MAP4K3: variants seen among roughly 807,000 people sequenced by gnomAD.
MAP4K3 encodes the protein MAPK/ERK kinase kinase kinase 3.
Under a neutral mutation model 143.5 loss-of-function variants are expected in MAP4K3, and 94 were observed. The observed-to-expected ratio is 0.65, with a 90% CI of 0.55 to 0.78. The LOEUF (loss-of-function observed/expected upper bound fraction) is 0.78, where lower values mean the gene tolerates loss of function less well. Ranked by LOEUF, MAP4K3 falls within the 30% of genes least tolerant of loss-of-function variation. The pLI, the probability that MAP4K3 is intolerant of heterozygous loss-of-function variation, is 0.00. For missense variants in MAP4K3, 1,077 were observed against 1,068.1 expected (o/e 1.01, Z -0.12); for synonymous variants, 416 against 347.2 (o/e 1.20, Z -2.20).
chr2:39,268,824 G>A (rs1680890874), intron 26 of MAP4K3, among the ~76,000 whole-genome samples: 1 of 151,864 alleles, frequency 6.6e-6, no homozygotes. Flanking sequence ...ACTTTTAGTA[G>A]AGACGGGGTT....
chr2:39,416,004 T>TATATATATATATATATATATAA (rs1206690314), intron 1 of MAP4K3, among the ~76,000 whole-genome samples: 6 of 76,074 alleles, frequency 7.9e-5, no homozygotes, highest in Non-Finnish European at 1.4e-4. Context: ...TATATATATA[T>TATATATATATATATATATATAA]AAAAATAACA....
chr2:39,289,177 T>C (rs1681924296), intron 19 of MAP4K3, among the ~76,000 whole-genome samples: 1 of 152,230 alleles, frequency 6.6e-6, no homozygotes, highest in Non-Finnish European at 1.5e-5. Context: ...TGACGGTTTG[T>C]AGAATTTATA....
chr2:39,395,112 A>G (rs1179525524), intron 1 of MAP4K3, among the ~76,000 whole-genome samples: 1 of 152,234 alleles, frequency 6.6e-6, no homozygotes, highest in Non-Finnish European at 1.5e-5. Flanking sequence ...TATCCAGTTT[A>G]ATTAAAAAAA....
intron 4 of MAP4K3, among the ~76,000 whole-genome samples, chr2:39,341,620 C>T (rs1367732478): frequency 6.6e-6 from 1 of 151,256 alleles, no homozygotes; most frequent in Non-Finnish European, 1.5e-5. Context: ...AGCACCACTG[C>T]ACTCCAGCCT....
Position 39,357,267 on chromosome 2 carries a change from TG to T in MAP4K3, c.155-929del, listed in dbSNP as rs772226055. ...AGAGACTATGCAGAAAGAGAACAAATGGAAGTGCTTACTCTGAAAGAAAAGT... is the reference window on the plus strand; with the variant it reads ...AGAGACTATGCAGAAAGAGAACAAATGAAGTGCTTACTCTGAAAGAAAAGT... On this transcript the variant is annotated intron_variant, in intron 2 of 33. Transcript: ENST00000263881. Among the ~76,000 whole-genome samples, 71 of 152,198 alleles carry T rather than the reference TG, an allele frequency of 4.7e-4. 1 individual carries two copies. Among genetic ancestry groups the T allele is most frequent in the Non-Finnish European group, 1.8e-4 (12 of 68,016 alleles).
intron 31 of MAP4K3, among the ~76,000 whole-genome samples, chr2:39,256,112 A>C (rs966251468): frequency 4.6e-5 from 7 of 152,156 alleles, no homozygotes; most frequent in Middle Eastern, 3.2e-3. Flanking sequence ...TTTTCCAATT[A>C]AGTTTTTCAC....
intron 1 of MAP4K3, among the ~76,000 whole-genome samples, chr2:39,396,556 C>T (rs1666811813): frequency 6.6e-6 from 1 of 150,454 alleles, no homozygotes; most frequent in Non-Finnish European, 1.5e-5. Flanking sequence ...TCATTGCAAG[C>T]TCCGCCTCCT....
intron 1 of MAP4K3, among the ~76,000 whole-genome samples, chr2:39,387,445 T>C (rs1405013825): frequency 6.6e-6 from 1 of 152,218 alleles, no homozygotes; most frequent in Admixed American, 6.5e-5. Flanking sequence ...ACAGATCCTA[T>C]ACGTAATTTC....
chr2:39,362,072 T>C (rs1434563970), intron 2 of MAP4K3, among the ~76,000 whole-genome samples: 1 of 152,220 alleles, frequency 6.6e-6, no homozygotes, highest in East Asian at 1.9e-4. Flanking sequence ...AAATGCCAGT[T>C]GAATCCTGAA....
chr2:39,432,813 C>A (rs567429529), intron 1 of MAP4K3, among the ~76,000 whole-genome samples: 78 of 152,274 alleles, frequency 5.1e-4, no homozygotes, highest in African/African-American at 1.7e-3. Context: ...TTCACAGACA[C>A]TTTAAATCTA....
At chr2:39,300,747 T>C (rs1384110696) in intron 15 of MAP4K3, among the ~76,000 whole-genome samples, 1 of 152,216 alleles carries the variant, frequency 6.6e-6, no homozygotes, top group Non-Finnish European at 1.5e-5. Flanking sequence ...CCTTCCAAGA[T>C]TGCCAGGGAA....
At chr2:39,426,438 T>C (rs1191048502) in intron 1 of MAP4K3, among the ~76,000 whole-genome samples, 2 of 152,142 alleles carry the variant, frequency 1.3e-5, no homozygotes, top group East Asian at 1.9e-4. Flanking sequence ...AATAGTATTG[T>C]CTTAATATTT....
Position 39,254,526 on chromosome 2 carries a change from A to C in MAP4K3, c.2471-6T>G. 6.2e-7 allele frequency: 1 copy of C among 1,611,798 alleles called. No homozygotes were observed. The highest frequency in any genetic ancestry group is 8.5e-7 in the Non-Finnish European group (1 of 1,178,354). ...CACACTGTCTTGTAGGCACACTAGC[A>C]GGCAAGAACAGCTCAATTACTGTTA... On this transcript the variant is annotated splice_polypyrimidine_tract_variant and splice_region_variant and intron_variant, in intron 31 of 33. Transcript: ENST00000263881.
At chr2:39,366,310 G>A (rs1203294717) in intron 2 of MAP4K3, among the ~76,000 whole-genome samples, 1 of 152,094 alleles carries the variant, frequency 6.6e-6, no homozygotes, top group Non-Finnish European at 1.5e-5. Flanking sequence ...AGGTTAGAGG[G>A]AGATTTTAAA....
chr2:39,251,808 T>G (rs1680163028), intron 33 of MAP4K3, 22 bp downstream of exon 33: 1 of 1,605,690 alleles, frequency 6.2e-7, no homozygotes, highest in African/African-American at 1.3e-5. Flanking sequence ...TACTGTGTAT[T>G]TAATACAGTC....
chr2:39,413,389 A>C (rs1472314575), intron 1 of MAP4K3, among the ~76,000 whole-genome samples: 2 of 152,136 alleles, frequency 1.3e-5, no homozygotes, highest in African/African-American at 2.4e-5. Context: ...TTATGAGGAA[A>C]GGGGGCAATT....
At chr2:39,263,974 AGGT>A (rs1680672279) in intron 28 of MAP4K3, among the ~76,000 whole-genome samples, 1 of 152,274 alleles carries the variant, frequency 6.6e-6, no homozygotes, top group African/African-American at 2.4e-5. Flanking sequence ...CATTCATACC[AGGT>A]TAATCAGTAT....
chr2:39,261,975 G>A (rs546710549), intron 28 of MAP4K3, among the ~76,000 whole-genome samples: 5 of 151,902 alleles, frequency 3.3e-5, no homozygotes, highest in Non-Finnish European at 7.4e-5. Flanking sequence ...GGATGACAAA[G>A]GGAATTCTAA....
intron 31 of MAP4K3, 75 bp from the exon 32 acceptor site, chr2:39,254,595 T>A (rs1680275406): frequency 6.8e-6 from 7 of 1,024,318 alleles, no homozygotes; most frequent in Middle Eastern, 2.1e-4. Context: ...CATCCCTCTA[T>A]CTCATACAGC....
Sources: allele counts gnomAD v4.1 joint callset (sites outside exome capture counted in the v4.1 genomes callset), GRCh38; gene constraint gnomAD v4.1.1; transcripts MANE v1.5; gene names NCBI Gene and HGNC (gene_info 2026-07-23, HGNC 2026-07-21).